GPR89B: variants seen among roughly 807,000 people sequenced by gnomAD.
GPR89B encodes the protein G protein-coupled receptor 89B.
A neutral mutation model predicts 52.4 loss-of-function variants in GPR89B; 25 were observed. That is an observed-to-expected ratio of 0.48 (90% confidence interval 0.35 to 0.67). GPR89B has a LOEUF of 0.67. Among genes scored for constraint, GPR89B ranks in the 30% least tolerant of loss-of-function variants. The probability of loss-of-function intolerance (pLI) is 0.01; values close to 1 mark genes in which losing one functional copy is unlikely to be tolerated. For synonymous variants in GPR89B, 52 were observed against 151.2 expected, an observed-to-expected ratio of 0.34 and a Z score of 4.81; for missense variants, 146 against 450.2, an observed-to-expected ratio of 0.32 and a Z score of 6.11.
At chr1:147,932,829 AACAG>A (rs1262563838) in intron 1 of GPR89B, among the ~76,000 whole-genome samples, 4 of 152,122 alleles carry the variant, frequency 2.6e-5, no homozygotes, top group South Asian at 2.1e-4. Flanking sequence ...AGAATTTCTA[AACAG>A]ACAGACTCAA....
At chr1:147,995,514 A>G (rs1301500425), downstream of GPR89B, 2 of 1,470,676 alleles carry the variant, frequency 1.4e-6, no homozygotes, top group Non-Finnish European at 1.9e-6. Context: ...TCTGTGGCAA[A>G]CATAGACATT....
At chr1:147,999,346 T>C in the GPR89B span, among the ~76,000 whole-genome samples, 1 of 151,470 alleles carries the variant, frequency 6.6e-6, no homozygotes, top group South Asian at 2.1e-4. Context: ...TGTTGGCTTA[T>C]ACCTGTAATC....
At chr1:147,947,399 A>G (rs1655074492) in intron 5 of GPR89B, among the ~76,000 whole-genome samples, 1 of 151,610 alleles carries the variant, frequency 6.6e-6, no homozygotes, top group Non-Finnish European at 1.5e-5. Flanking sequence ...CTGTAAAAGT[A>G]CTTCTTGTGC....
intron 5 of GPR89B, among the ~76,000 whole-genome samples, chr1:147,950,422 C>T (rs1430214657): frequency 6.7e-6 from 1 of 150,268 alleles, no homozygotes; most frequent in Admixed American, 6.6e-5. Flanking sequence ...GTATGGCGGC[C>T]GGGCAGAGAC....
chr1:147,961,234 C>T (rs1488104407), intron 7 of GPR89B, among the ~76,000 whole-genome samples: 2 of 151,930 alleles, frequency 1.3e-5, no homozygotes, highest in East Asian at 3.9e-4. Flanking sequence ...GAAGAAAACT[C>T]AACAAAAGTC....
In GPR89B at chr1:147,971,312, G is replaced by A. The variant is rs1486006040; in HGVS notation, c.909+1353G>A. Among the ~76,000 whole-genome samples, 8 of 151,686 alleles carry A rather than the reference G, an allele frequency of 5.3e-5. No individual in the cohort carries two copies. In the East Asian group the frequency reaches 1.6e-3, roughly 29 times the overall value. On this transcript the variant is annotated intron_variant, in intron 10 of 13. Coordinates refer to ENST00000314163, the MANE Select transcript of GPR89B (RefSeq NM_016334.5). ...TTACAAGCACGCACCGCCACGCCCA[G>A]CTAACTTTTTTGTATTTCAGTAGAC...
intron 5 of GPR89B, among the ~76,000 whole-genome samples, chr1:147,952,184 T>C (rs1482179984): frequency 6.6e-6 from 1 of 152,074 alleles, no homozygotes; most frequent in African/African-American, 2.4e-5. Context: ...GTGTGAGAGC[T>C]CTCTTAGGTC....
the GPR89B span, among the ~76,000 whole-genome samples, chr1:148,015,299 CT>C: frequency 3.2e-4 from 36 of 110,932 alleles, no homozygotes; most frequent in Middle Eastern, 4.3e-3. Context: ...TAGGATCTCT[CT>C]CTCTCTCTCT....
chr1:148,002,619 C>T, the GPR89B span, among the ~76,000 whole-genome samples: 1 of 152,102 alleles, frequency 6.6e-6, no homozygotes, highest in Non-Finnish European at 1.5e-5. Context: ...GCAAAGCCCC[C>T]AAGACATTAT....
chr1:147,942,255 A>G (rs1331180471), intron 3 of GPR89B, among the ~76,000 whole-genome samples: 5 of 151,156 alleles, frequency 3.3e-5, no homozygotes, highest in African/African-American at 4.9e-5. Context: ...CAAAACCACA[A>G]TGAGATACCA....
intron 1 of GPR89B, among the ~76,000 whole-genome samples, chr1:147,935,428 T>C (rs1654000387): frequency 6.6e-6 from 1 of 152,198 alleles, no homozygotes; most frequent in Non-Finnish European, 1.5e-5. Context: ...CTAGCCAGTT[T>C]AAGAAGAAAA....
chr1:147,983,763 G>T (rs1436109827), intron 10 of GPR89B, among the ~76,000 whole-genome samples: 3,328 of 152,042 alleles, frequency 0.022, 54 homozygotes, highest in Non-Finnish European at 0.035. Flanking sequence ...GTGGAAGTCA[G>T]TGTGGCGATT....
Position 147,967,743 on chromosome 1 carries a change from G to A in GPR89B, c.727+1080G>A, listed in dbSNP as rs1318852546. 1,285 of 152,028 alleles carry A rather than the reference G, an allele frequency of 8.5e-3. 32 individuals carry two copies. The highest frequency in any genetic ancestry group is 0.029 in the African/African-American group (1,168 of 40,420). 9.4% of individuals were successfully genotyped at this position (152,028 alleles called of 1,614,324 possible). On this transcript the variant is annotated intron_variant, in intron 8 of 13. Coordinates refer to ENST00000314163, the MANE Select transcript of GPR89B (RefSeq NM_016334.5). The stretch of plus-strand genomic sequence containing the variant: ...ATCAAAGAAAGGCAAGATGATTGTG[G>A]AAGAGAAAGAAAAAGGATTAATTTA...
chr1:147,968,698 C>T (rs1232601136), intron 8 of GPR89B, 177 bp from the exon 9 acceptor site: 8 of 793,240 alleles, frequency 1.0e-5, no homozygotes, highest in Admixed American at 4.9e-5. Context: ...TTTTACACAC[C>T]TGCGTCAGAG....
At chr1:147,964,567 C>T (rs1339278617) in intron 7 of GPR89B, among the ~76,000 whole-genome samples, 30 of 151,876 alleles carry the variant, frequency 2.0e-4, no homozygotes, top group Middle Eastern at 3.4e-3. Flanking sequence ...ATTCACGCTT[C>T]GGAAGGTTTA....
intron 7 of GPR89B, among the ~76,000 whole-genome samples, chr1:147,963,357 CAGA>C (rs1656768969): frequency 6.7e-6 from 1 of 148,470 alleles, no homozygotes; most frequent in Admixed American, 6.8e-5. Context: ...GCCTGGGTGA[CAGA>C]GCAAGACTCC....
intron 5 of GPR89B, among the ~76,000 whole-genome samples, chr1:147,944,909 T>G (rs188996871): frequency 6.6e-6 from 1 of 152,064 alleles, no homozygotes; most frequent in Non-Finnish European, 1.5e-5. Context: ...TATATATATA[T>G]ACCTCTTTAT....
chr1:148,019,101 C>T, the GPR89B span, among the ~76,000 whole-genome samples: 11 of 151,668 alleles, frequency 7.3e-5, no homozygotes, highest in East Asian at 5.8e-4. Context: ...CTCAGCCTCC[C>T]GAGTAGCTGG....
chr1:147,973,278 C>T (rs1484906227), intron 10 of GPR89B, among the ~76,000 whole-genome samples: 131 of 152,152 alleles, frequency 8.6e-4, no homozygotes, highest in Non-Finnish European at 5.6e-4. Flanking sequence ...TTCCCACCAA[C>T]AGTGTAAAAG....
Sources: allele counts gnomAD v4.1 joint callset (sites outside exome capture counted in the v4.1 genomes callset), GRCh38; gene constraint gnomAD v4.1.1; transcripts MANE v1.5; gene names NCBI Gene and HGNC (gene_info 2026-07-23, HGNC 2026-07-21).